The following DYNC2H1 variants were observed in gnomAD, a reference collection of about 807,000 sequenced individuals.
DYNC2H1 encodes the protein cytoplasmic dynein 2 heavy chain 1.
In DYNC2H1, 410 loss-of-function variants were observed where a neutral mutation model predicts 570.0. The ratio of observed to expected loss-of-function variants is 0.72; its 90% CI spans 0.66 to 0.78. The LOEUF (loss-of-function observed/expected upper bound fraction) is 0.78, where lower values mean the gene tolerates loss of function less well. DYNC2H1 is among the 30% of genes least tolerant of loss of function. The pLI is 0.00. For synonymous variants in DYNC2H1, 1,688 were observed against 1,677.6 expected, an observed-to-expected ratio of 1.01 and a Z score of -0.15; for missense variants, 4,865 against 5,046.4, an observed-to-expected ratio of 0.96 and a Z score of 1.09.
chr11:103,351,747 CT>C (rs1157188606), intron 82 of DYNC2H1, among the ~76,000 whole-genome samples: 1 of 151,904 alleles, frequency 6.6e-6, no homozygotes, highest in East Asian at 1.9e-4. Flanking sequence ...TTTACATTTT[CT>C]TTGGTATTAA....
chr11:103,284,169 G>A (rs1866258083), intron 73 of DYNC2H1, among the ~76,000 whole-genome samples: 2 of 152,080 alleles, frequency 1.3e-5, no homozygotes, highest in African/African-American at 4.8e-5. Flanking sequence ...CCATTAGGTT[G>A]GTTTAGCCAG....
chr11:103,285,625 A>G (rs1042066651), intron 73 of DYNC2H1, among the ~76,000 whole-genome samples: 1 of 151,634 alleles, frequency 6.6e-6, no homozygotes, highest in African/African-American at 2.4e-5. Context: ...GGGTTTCACC[A>G]TGTTGGCCAG....
chr11:103,249,041 T>C lies in DYNC2H1; in HGVS notation c.10042+3667T>C, dbSNP rs1483729577. ...GTTATCTAAAGTACAACACAGATTC[T>C]GTGTTCAGAGGAAAAAAGTAGTCAA... On this transcript the variant is annotated intron_variant, in intron 65 of 88. Coordinates refer to ENST00000375735, the MANE Select transcript of DYNC2H1 (RefSeq NM_001377.3). The surrounding 1 kb of genome is among the most constrained non-coding windows in gnomAD (Gnocchi z 4.6). Among the ~76,000 whole-genome samples the C allele has an allele frequency of 6.6e-6, 1 of 152,006 alleles. No individual in the cohort carries two copies. Among genetic ancestry groups the C allele is most frequent in the Non-Finnish European group, 1.5e-5 (1 of 67,928 alleles).
intron 84 of DYNC2H1, among the ~76,000 whole-genome samples, chr11:103,401,519 ATATT>A (rs1218281448): frequency 6.6e-6 from 1 of 152,170 alleles, no homozygotes; most frequent in African/African-American, 2.4e-5. Context: ...GGCAATAATG[ATATT>A]TATATGTAGA....
At chr11:103,224,482 G>C (rs1296370829) in intron 59 of DYNC2H1, among the ~76,000 whole-genome samples, 1 of 152,150 alleles carries the variant, frequency 6.6e-6, no homozygotes, top group Non-Finnish European at 1.5e-5. Context: ...GCTCCTACGT[G>C]AGTGAGAACG....
Position 103,252,427 on chromosome 11 carries a change from T to C in DYNC2H1, c.10043-858T>C, listed in dbSNP as rs1162639079. The stretch of plus-strand genomic sequence containing the variant: ...CTGTTTTTAATTTCTTTAGGAACCT[T>C]CCTACCATTTTTCATAATGGCTGCC... On this transcript the variant is annotated intron_variant, in intron 65 of 88. Coordinates refer to ENST00000375735, the MANE Select transcript of DYNC2H1 (RefSeq NM_001377.3). The surrounding 1 kb of genome is among the most constrained non-coding windows in gnomAD (Gnocchi z 4.6). Among the ~76,000 whole-genome samples, 1 of 152,116 alleles carries C rather than the reference T, an allele frequency of 6.6e-6. No homozygotes were observed. The highest frequency in any genetic ancestry group is 1.5e-5 in the Non-Finnish European group (1 of 68,008).
chr11:103,282,327 T>G lies in DYNC2H1; in HGVS notation c.10812+98T>G. The G allele has an allele frequency of 3.0e-6, 3 of 1,015,622 alleles. No homozygotes were observed. In the South Asian group the frequency reaches 4.6e-5, roughly 16 times the overall value. The allele number at this position is 1,015,622 out of a possible 1,614,324, so 62.9% of individuals were successfully genotyped here. On this transcript the variant is annotated intron_variant, in intron 72 of 88. Transcript: ENST00000375735. ...TTGCTTCAGAGGTGTTCTAAATTATTGTTGAAGTTATAATTTGATTAGAAG... is the reference window on the plus strand; with the variant it reads ...TTGCTTCAGAGGTGTTCTAAATTATGGTTGAAGTTATAATTTGATTAGAAG...
chr11:103,342,471 A>C (rs1346100201), intron 82 of DYNC2H1, among the ~76,000 whole-genome samples: 5 of 151,320 alleles, frequency 3.3e-5, no homozygotes, highest in Non-Finnish European at 7.4e-5. Context: ...TCTTCGCAAT[A>C]AATCTTGCTG....
chr11:103,214,846 C>T (rs1049326906), intron 54 of DYNC2H1, among the ~76,000 whole-genome samples: 3 of 148,734 alleles, frequency 2.0e-5, no homozygotes, highest in African/African-American at 7.5e-5. Context: ...CTGTGGTTTG[C>T]CTTGTAGAGG....
chr11:103,323,997 T>TA lies in DYNC2H1; in HGVS notation c.12039+15dup, dbSNP rs777470966. 56 of 1,564,276 alleles carry TA rather than the reference T, an allele frequency of 3.6e-5. No homozygotes were observed. Among genetic ancestry groups the TA allele is most frequent in the South Asian group, 1.9e-4 (15 of 80,220 alleles). ...GCGCATGATCAGTTCTCAGGTAACC[T>TA]AAAAAAAAGATCTACCTTCAAAAAA... On this transcript the variant is annotated splice_region_variant and intron_variant, in intron 82 of 88. Transcript: ENST00000375735.
At chr11:103,414,548 G>GAAAGA (rs763716521) in intron 84 of DYNC2H1, among the ~76,000 whole-genome samples, 10 of 151,570 alleles carry the variant, frequency 6.6e-5, no homozygotes, top group Admixed American at 6.6e-5. Flanking sequence ...GAACCCAGGA[G>GAAAGA]AAAGAAATAA....
chr11:103,272,284 G>T (rs987356216), intron 70 of DYNC2H1, among the ~76,000 whole-genome samples: 3 of 152,184 alleles, frequency 2.0e-5, no homozygotes, highest in African/African-American at 7.2e-5. Flanking sequence ...GGACATGGAT[G>T]AAGCTGGAAA....
rs146858982 is a variant in DYNC2H1, at chr11:103,216,486, T to C, written c.8832+628T>C. 3.4e-3 allele frequency among the ~76,000 whole-genome samples: 513 copies of C among 152,266 alleles called. 11 individuals are homozygous for C. The highest frequency in any genetic ancestry group is 0.03 in the Admixed American group (457 of 15,278). On this transcript the variant is annotated intron_variant, in intron 55 of 88. Coordinates refer to ENST00000375735, the MANE Select transcript of DYNC2H1 (RefSeq NM_001377.3). The stretch of plus-strand genomic sequence containing the variant: ...TTATTCTTTATCCTAACTCCTCTTA[T>C]TAGCTTCAGACTTGCTCAATTACTG...
intron 30 of DYNC2H1, among the ~76,000 whole-genome samples, chr11:103,165,223 G>A (rs1466654898): frequency 6.6e-6 from 1 of 152,152 alleles, no homozygotes; most frequent in Non-Finnish European, 1.5e-5. Context: ...CCCCTCTCAG[G>A]CTCAAGCGAT....
At chr11:103,119,348 CT>C (rs1321149154) in intron 6 of DYNC2H1, among the ~76,000 whole-genome samples, 1 of 150,660 alleles carries the variant, frequency 6.6e-6, no homozygotes, top group Non-Finnish European at 1.5e-5. Flanking sequence ...TCTTTCTTTC[CT>C]TTTTTTTTGA....
intron 59 of DYNC2H1, among the ~76,000 whole-genome samples, chr11:103,226,001 T>G (rs956935908): frequency 6.6e-6 from 1 of 152,116 alleles, no homozygotes; most frequent in Non-Finnish European, 1.5e-5. Flanking sequence ...GTTCTTGATT[T>G]GATTCTTAGT....
At position 103,117,871 on chromosome 11, in the gene DYNC2H1, T is replaced by C. The variant is rs1318380759; in HGVS notation, c.999+8T>C. On this transcript the variant is annotated splice_region_variant and intron_variant, in intron 6 of 88. Coordinates refer to ENST00000375735, the MANE Select transcript of DYNC2H1 (RefSeq NM_001377.3). ...GGCAAACGCCTTGAAGAGGTATCAA[T>C]TTGATTATCTAGATCTTTGTCTTTA... The C allele has an allele frequency of 3.7e-6, 6 of 1,600,290 alleles. No individual in the cohort carries two copies. In the Admixed American group the frequency reaches 1.0e-4, roughly 27 times the overall value.
intron 78 of DYNC2H1, among the ~76,000 whole-genome samples, chr11:103,309,037 T>C (rs561224541): frequency 1.2e-4 from 19 of 152,086 alleles, no homozygotes; most frequent in Non-Finnish European, 2.8e-4. Context: ...TATGTAATGC[T>C]AGGTAGATCC....
intron 11 of DYNC2H1, among the ~76,000 whole-genome samples, chr11:103,124,308 AT>A (rs1382695334): frequency 6.6e-6 from 1 of 151,810 alleles, no homozygotes; most frequent in Non-Finnish European, 1.5e-5. Flanking sequence ...TTAGCCGAAC[AT>A]GGTGGCTTGC....
Sources: gnomAD v4.1 joint callset for allele counts (sites outside exome capture counted in the v4.1 genomes callset) on GRCh38, gnomAD v4.1.1 for gene constraint, Gnocchi (gnomAD v3.1) non-coding constraint, MANE v1.5 for transcripts, NCBI Gene and HGNC (gene_info 2026-07-23, HGNC 2026-07-21) for gene names.